FRYL: variants seen among roughly 807,000 people sequenced by gnomAD.
FRYL encodes protein furry homolog-like.
Under a neutral mutation model 351.2 loss-of-function variants are expected in FRYL, and 150 were observed. That is an observed-to-expected ratio of 0.43 (90% confidence interval 0.37 to 0.49). The LOEUF (loss-of-function observed/expected upper bound fraction) is 0.49, where lower values mean the gene tolerates loss of function less well. FRYL is among the 20% of genes least tolerant of loss of function. The pLI, the probability that FRYL is intolerant of heterozygous loss-of-function variation, is 0.00. For synonymous variants in FRYL, 1,153 were observed against 1,257.1 expected, an observed-to-expected ratio of 0.92 and a Z score of 1.75; for missense variants, 3,036 against 3,619.3, an observed-to-expected ratio of 0.84 and a Z score of 4.13.
chr4:48,643,127 T>A (rs1394992847), intron 3 of FRYL, among the ~76,000 whole-genome samples: 2 of 152,186 alleles, frequency 1.3e-5, no homozygotes, highest in African/African-American at 4.8e-5. Context: ...CACAAAATAG[T>A]CCTGTAAACA....
intron 46 of FRYL, 60 bp from the exon 47 acceptor site, chr4:48,540,128 A>G (rs1290649603): frequency 2.2e-6 from 3 of 1,367,506 alleles, no homozygotes; most frequent in Non-Finnish European, 3.0e-6. Flanking sequence ...TTTAAAAGTT[A>G]AAGTTATTTT....
At position 48,510,967 on chromosome 4, in the gene FRYL, A is replaced by C; in HGVS notation, c.8163T>G (p.Phe2721Leu). ...TGACTGCCTCATTAGTTATTTCTCC[A>C]AACTTTCTTTGAATTGTCTATGGAG... ...SRLFQTIQRK[F>L]GEITNEAVSF... The change falls in exon 58 of 64, where the codon TTT (phenylalanine) becomes TTG (leucine). Residue 2721 changes from phenylalanine (F) to leucine (L), a missense_variant. Physicochemically the swap from Phe to Leu is conservative, Grantham distance 22 (BLOSUM62 0). Coordinates refer to ENST00000358350, the MANE Select transcript of FRYL (RefSeq NM_015030.2). 2 of 1,611,810 alleles carry C rather than the reference A, an allele frequency of 1.2e-6. No individual in the cohort carries two copies. Among genetic ancestry groups the C allele is most frequent in the Non-Finnish European group, 1.7e-6 (2 of 1,179,066 alleles).
At chr4:48,698,751 A>G (rs1237353666) in intron 2 of FRYL, among the ~76,000 whole-genome samples, 1 of 152,144 alleles carries the variant, frequency 6.6e-6, no homozygotes, top group African/African-American at 2.4e-5. Context: ...ATTCCAGTAC[A>G]CATCCTGTAA....
intron 60 of FRYL, 165 bp downstream of exon 60, chr4:48,505,382 C>G: frequency 1.5e-6 from 1 of 658,340 alleles, no homozygotes; most frequent in South Asian, 1.6e-5. Context: ...ATTATGAAAC[C>G]AGTATTTCAT....
intron 5 of FRYL, among the ~76,000 whole-genome samples, chr4:48,621,797 C>G (rs1273361157): frequency 6.6e-6 from 1 of 152,056 alleles, no homozygotes; most frequent in Non-Finnish European, 1.5e-5. Flanking sequence ...AAGAATGAAA[C>G]AGTTTATTTG....
At chr4:48,692,351 G>A (rs1765752568) in intron 2 of FRYL, among the ~76,000 whole-genome samples, 2 of 151,884 alleles carry the variant, frequency 1.3e-5, no homozygotes, top group South Asian at 4.2e-4. Flanking sequence ...TATTTCCTGA[G>A]TTATCTAGGA....
intron 1 of FRYL, among the ~76,000 whole-genome samples, chr4:48,745,845 C>A (rs1772612191): frequency 6.6e-6 from 1 of 151,952 alleles, no homozygotes; most frequent in African/African-American, 2.4e-5. Flanking sequence ...ATTATAAAGG[C>A]CTGTCATAGG....
chr4:48,774,117 G>C (rs966772680), intron 1 of FRYL, among the ~76,000 whole-genome samples: 10 of 152,028 alleles, frequency 6.6e-5, no homozygotes, highest in African/African-American at 2.4e-4. Context: ...AAAGAATATG[G>C]ATCAGTGGTT....
At chr4:48,761,986 G>T (rs1467686481) in intron 1 of FRYL, among the ~76,000 whole-genome samples, 1 of 152,066 alleles carries the variant, frequency 6.6e-6, no homozygotes, top group African/African-American at 2.4e-5. Context: ...AGGTTATGAG[G>T]GTAGATTCCT....
chr4:48,583,607 A>C (rs1741414520), intron 19 of FRYL, among the ~76,000 whole-genome samples: 1 of 147,602 alleles, frequency 6.8e-6, no homozygotes, highest in Non-Finnish European at 1.5e-5. Flanking sequence ...CATGCCTAGA[A>C]AAAAAAAAAA....
At chr4:48,686,358 C>G (rs1356839272) in intron 2 of FRYL, among the ~76,000 whole-genome samples, 3 of 152,074 alleles carry the variant, frequency 2.0e-5, no homozygotes, top group African/African-American at 7.2e-5. Flanking sequence ...CTTGTTTGTG[C>G]CTGTTCATAA....
At chr4:48,769,923 G>A (rs1045703041) in intron 1 of FRYL, among the ~76,000 whole-genome samples, 5 of 152,188 alleles carry the variant, frequency 3.3e-5, no homozygotes, top group Non-Finnish European at 5.9e-5. Flanking sequence ...AAGGAGGTAG[G>A]GGGGAACCTT....
chr4:48,700,242 A>C lies in FRYL; in HGVS notation c.-204+10277T>G, dbSNP rs1441165605. ...TTTTTTTAATATATCAGGCTTCTGAATTAATGCCATGATTATATTTGAAGC... is the reference window on the plus strand; with the variant it reads ...TTTTTTTAATATATCAGGCTTCTGACTTAATGCCATGATTATATTTGAAGC... On this transcript the variant is annotated intron_variant, in intron 2 of 63. Transcript: ENST00000358350. 2.0e-5 allele frequency among the ~76,000 whole-genome samples: 3 copies of C among 152,318 alleles called. No homozygotes were observed. The East Asian group carries it at 5.8e-4, about 29-fold the overall frequency.
At chr4:48,715,527 C>T (rs1440929785) in intron 1 of FRYL, among the ~76,000 whole-genome samples, 2 of 151,368 alleles carry the variant, frequency 1.3e-5, no homozygotes, top group African/African-American at 4.9e-5. Context: ...TTCACAATTG[C>T]TTCAAAGAGA....
intron 57 of FRYL, among the ~76,000 whole-genome samples, 169 bp downstream of exon 57, chr4:48,512,312 C>T (rs1407727228): frequency 3.3e-5 from 5 of 151,944 alleles, no homozygotes; most frequent in Non-Finnish European, 5.9e-5. Context: ...AATGTACCAG[C>T]AGTACCACAA....
At chr4:48,580,737 C>A in intron 22 of FRYL, 128 bp downstream of exon 22, 1 of 569,146 alleles carries the variant, frequency 1.8e-6, no homozygotes, top group South Asian at 2.9e-5. Context: ...TTCTACTTTT[C>A]AAAAATACTT....
In FRYL at chr4:48,542,994, C is replaced by T. The variant is rs577762862; in HGVS notation, c.5592+813G>A. 3.7e-4 allele frequency among the ~76,000 whole-genome samples: 57 copies of T among 152,258 alleles called. 3 individuals are homozygous for T. In the South Asian group the frequency reaches 8.5e-3, roughly 23 times the overall value. ...TCTTACCAGGGCTTACTAGGCCTTA[C>T]GTGATTTGAACCTACCTACCTCATC... is the stretch of plus-strand genomic sequence containing the variant. On this transcript the variant is annotated intron_variant, in intron 44 of 63. Transcript: ENST00000358350.
chr4:48,705,460 T>C (rs1767228194), intron 2 of FRYL, among the ~76,000 whole-genome samples: 1 of 144,214 alleles, frequency 6.9e-6, no homozygotes, highest in African/African-American at 2.6e-5. Flanking sequence ...ATCCCCAGAA[T>C]ATAACAAGTA....
At chr4:48,674,286 A>G (rs1174326041) in intron 3 of FRYL, among the ~76,000 whole-genome samples, 3 of 152,200 alleles carry the variant, frequency 2.0e-5, no homozygotes, top group Non-Finnish European at 2.9e-5. Flanking sequence ...TATAGATAAT[A>G]TAAGTTCCAA....
Sources: allele counts gnomAD v4.1 joint callset (sites outside exome capture counted in the v4.1 genomes callset), GRCh38; gene constraint gnomAD v4.1.1; transcripts MANE v1.5; gene names NCBI Gene and HGNC (gene_info 2026-07-23, HGNC 2026-07-21).